The following EXPH5 variants were observed in gnomAD, a reference collection of about 807,000 sequenced individuals.
The protein encoded by EXPH5 is exophilin-5.
In EXPH5, 42 loss-of-function variants were observed where a neutral mutation model predicts 41.1. The ratio of observed to expected loss-of-function variants is 1.02; its 90% CI spans 0.80 to 1.32. The LOEUF (loss-of-function observed/expected upper bound fraction) is 1.32. Ranked by LOEUF, EXPH5 falls within the 40% of genes most tolerant of loss-of-function variation. The pLI is 0.00. For missense variants in EXPH5, 2,298 were observed against 2,314.5 expected (o/e 0.99, Z 0.15); for synonymous variants, 798 against 833.5 (o/e 0.96, Z 0.73).
At position 108,541,499 on chromosome 11, in the gene EXPH5, T is replaced by A. The variant is rs7951942; in HGVS notation, c.280+153A>T. ...AAAATTTCAGTTCACTTTTTTTTTTTAGTGTATATTGTATTATAAACTTTT... is the reference window on the plus strand; with the variant it reads ...AAAATTTCAGTTCACTTTTTTTTTTAAGTGTATATTGTATTATAAACTTTT... On this transcript the variant is annotated intron_variant, in intron 2 of 5. Coordinates refer to ENST00000265843, the MANE Select transcript of EXPH5 (RefSeq NM_015065.3). 0.55 allele frequency among the ~76,000 whole-genome samples: 83,193 copies of A among 151,922 alleles called. 27,260 individuals carry two copies. Among genetic ancestry groups the A allele is most frequent in the Non-Finnish European group, 0.7 (47,747 of 67,920 alleles).
chr11:108,566,992 C>G (rs533777538), intron 1 of EXPH5, among the ~76,000 whole-genome samples: 28 of 152,328 alleles, frequency 1.8e-4, no homozygotes, highest in Admixed American at 3.9e-4. Flanking sequence ...ACAGATTTAA[C>G]TTCTATTTTT....
At chr11:108,563,613 C>G (rs1236014395) in intron 1 of EXPH5, among the ~76,000 whole-genome samples, 2 of 152,152 alleles carry the variant, frequency 1.3e-5, no homozygotes, top group African/African-American at 2.4e-5. Flanking sequence ...TCTGCCCTAC[C>G]CAGAGAGAGT....
rs753135290 is a variant in EXPH5, at chr11:108,513,549, A to G, written c.1958T>C (p.Leu653Ser). 2.5e-6 allele frequency: 4 copies of G among 1,614,226 alleles called. No individual in the cohort carries two copies. Among genetic ancestry groups the G allele is most frequent in the South Asian group, 2.2e-5 (2 of 91,086 alleles). Residue 653 changes from leucine to serine, a missense_variant, in exon 6 of 6, where the codon TTG becomes TCG. Coordinates refer to ENST00000265843, the MANE Select transcript of EXPH5 (RefSeq NM_015065.3). Reference sequence around the variant, plus strand: ...AGGCTTATTTGGAAAAATTTTCTGCAAAGTGACTGTGGGATTCTGCAAGTT... The same window carrying G: ...AGGCTTATTTGGAAAAATTTTCTGCGAAGTGACTGTGGGATTCTGCAAGTT... ...SPNLQNPTVTLQKIFPNKPAS... is the reference protein window; with the variant it reads ...SPNLQNPTVTSQKIFPNKPAS...
At chr11:108,607,483 A>G in the EXPH5 span, among the ~76,000 whole-genome samples, 13 of 152,310 alleles carry the variant, frequency 8.5e-5, no homozygotes, top group African/African-American at 2.4e-4. Context: ...TGGTACTTAC[A>G]TCTGGGCAAT....
intron 1 of EXPH5, among the ~76,000 whole-genome samples, chr11:108,556,774 C>G (rs2093991945): frequency 6.6e-6 from 1 of 152,116 alleles, no homozygotes; most frequent in South Asian, 2.1e-4. Flanking sequence ...AGGCCTGGCC[C>G]CCATCAATTT....
chr11:108,516,255 C>G (rs1291576075), intron 5 of EXPH5, among the ~76,000 whole-genome samples: 1 of 151,992 alleles, frequency 6.6e-6, no homozygotes, highest in African/African-American at 2.4e-5. Flanking sequence ...AAGTCAGTGC[C>G]CAGGGGCCCC....
intron 1 of EXPH5, among the ~76,000 whole-genome samples, chr11:108,585,408 G>A (rs2094110251): frequency 6.6e-6 from 1 of 152,144 alleles, no homozygotes; most frequent in Non-Finnish European, 1.5e-5. Context: ...CTCATGAATG[G>A]ATCAGTGCCC....
chr11:108,526,878 G>A (rs977792276), intron 4 of EXPH5, among the ~76,000 whole-genome samples: 8 of 152,238 alleles, frequency 5.3e-5, no homozygotes, highest in Middle Eastern at 3.4e-3. Context: ...GGGATTAAAC[G>A]AAATGATCTG....
chr11:108,513,377 T>A lies in EXPH5; in HGVS notation c.2130A>T (p.Glu710Asp), dbSNP rs138208449. 14 of 1,614,036 alleles carry A rather than the reference T, an allele frequency of 8.7e-6. No individual in the cohort carries two copies. The highest frequency in any genetic ancestry group is 2.7e-5 in the African/African-American group (2 of 74,940). ...GGTCCATCTTGCTTAGCTGTTTGTC[T>A]TCTTCTGAAATAGATTCATTTAAGT... ...EKDLNESISE[E>D]DKQLSKMDQT... is the part of the protein sequence containing the mutation. The change falls in exon 6 of 6, where the codon GAA (glutamate) becomes GAT (aspartate). Residue 710 changes from glutamate to aspartate, a missense_variant. Glu to Asp is a conservative substitution (Grantham distance 45, BLOSUM62 2). Coordinates refer to ENST00000265843, the MANE Select transcript of EXPH5 (RefSeq NM_015065.3).
intron 1 of EXPH5, among the ~76,000 whole-genome samples, chr11:108,582,147 T>G (rs2094100253): frequency 6.6e-6 from 1 of 152,166 alleles, no homozygotes; most frequent in Non-Finnish European, 1.5e-5. Context: ...AAGGCTAGAA[T>G]TACTGACACC....
chr11:108,604,246 A>AAT, the EXPH5 span, among the ~76,000 whole-genome samples: 1 of 149,656 alleles, frequency 6.7e-6, no homozygotes, highest in Non-Finnish European at 1.5e-5. Context: ...AAAAAAAAAA[A>AAT]TTAGCTGGGC....
Position 108,513,857 on chromosome 11 carries a change from A to C in EXPH5, c.1650T>G (p.Pro550=). 1.9e-6 allele frequency: 3 copies of C among 1,566,552 alleles called. No homozygotes were observed. The highest frequency in any genetic ancestry group is 2.6e-6 in the Non-Finnish European group (3 of 1,154,868). Residue 550 remains proline (P), a synonymous_variant, in exon 6 of 6, where the codon CCT becomes CCG. Coordinates refer to ENST00000265843, the MANE Select transcript of EXPH5 (RefSeq NM_015065.3). ...DVSRGQEEPH[P]WQFDFQRSTL... is the part of the protein sequence containing the mutation. ...TGGATCTCTGAAAATCAAACTGCCA[A>C]GGATGTGGCTCTTCTTGGCCTCTGG...
intron 4 of EXPH5, among the ~76,000 whole-genome samples, chr11:108,523,779 G>T (rs746223725): frequency 2.6e-5 from 4 of 152,196 alleles, no homozygotes; most frequent in African/African-American, 4.8e-5. Context: ...GGCTGAGGTG[G>T]GAGGATCGCT....
intron 4 of EXPH5, among the ~76,000 whole-genome samples, chr11:108,519,438 G>T (rs192189340): frequency 2.0e-5 from 3 of 152,076 alleles, no homozygotes; most frequent in African/African-American, 7.2e-5. Flanking sequence ...GCTAGAACTC[G>T]TAGTGGACCT....
At chr11:108,527,398 G>GGAGA (rs140424664) in intron 4 of EXPH5, among the ~76,000 whole-genome samples, 2 of 149,844 alleles carry the variant, frequency 1.3e-5, no homozygotes, top group Non-Finnish European at 3.0e-5. Context: ...AGAGAGGGAG[G>GGAGA]GAGAGAGAGA....
upstream of EXPH5, among the ~76,000 whole-genome samples, chr11:108,596,061 C>A (rs1297330225): frequency 1.3e-5 from 2 of 151,868 alleles, no homozygotes; most frequent in African/African-American, 4.8e-5. Flanking sequence ...ATTAGCCCAG[C>A]ATGTGCACCT....
rs757639145 is a variant in EXPH5, at chr11:108,512,268, T to G, written c.3239A>C (p.Glu1080Ala). Residue 1080 changes from glutamate (E) to alanine (A), a missense_variant, in exon 6 of 6, where the codon GAA becomes GCA. Physicochemically the swap from Glu to Ala is moderately radical, Grantham distance 107. Transcript: ENST00000265843. ...TGAGTCTGAAAGGACTTTGGAACATTCATTCGCTGACTCAGGAGAACTGGG... is the reference window on the plus strand; with the variant it reads ...TGAGTCTGAAAGGACTTTGGAACATGCATTCGCTGACTCAGGAGAACTGGG... Reference protein sequence around the residue: ...FSPSSPESANECSKVLSDSAL... With the variant: ...FSPSSPESANACSKVLSDSAL... 5.6e-6 allele frequency: 9 copies of G among 1,612,980 alleles called. No homozygotes were observed. The highest frequency in any genetic ancestry group is 7.6e-6 in the Non-Finnish European group (9 of 1,179,666).
At chr11:108,524,908 G>A (rs892057535) in intron 4 of EXPH5, among the ~76,000 whole-genome samples, 7 of 152,124 alleles carry the variant, frequency 4.6e-5, no homozygotes, top group African/African-American at 1.2e-4. Flanking sequence ...GATATGGTTC[G>A]GTTGTGTCCC....
chr11:108,561,566 C>G (rs2094011705), intron 1 of EXPH5, among the ~76,000 whole-genome samples: 1 of 152,136 alleles, frequency 6.6e-6, no homozygotes. Flanking sequence ...ATGGGTAGTT[C>G]CTGTGCTTTG....
Sources: allele counts gnomAD v4.1 joint callset (sites outside exome capture counted in the v4.1 genomes callset), GRCh38; gene constraint gnomAD v4.1.1; transcripts MANE v1.5; gene names NCBI Gene and HGNC (gene_info 2026-07-23, HGNC 2026-07-21).